The following BMPR2 variants were observed in gnomAD, a reference collection of about 807,000 sequenced individuals.
BMPR2 encodes bone morphogenetic protein receptor type-2.
In BMPR2, 29 loss-of-function variants were observed where a neutral mutation model predicts 100.8. The observed-to-expected ratio is 0.29, with a 90% confidence interval of 0.21 to 0.39. BMPR2 has a LOEUF of 0.39. Ranked by LOEUF, BMPR2 falls within the 10% of genes least tolerant of loss-of-function variation. The probability of loss-of-function intolerance (pLI) is 1.00; values close to 1 mark genes in which losing one functional copy is unlikely to be tolerated. For missense variants in BMPR2, 1,011 were observed against 1,274.5 expected, an observed-to-expected ratio of 0.79 and a Z score of 3.15; for synonymous variants, 382 against 442.3, an observed-to-expected ratio of 0.86 and a Z score of 1.71.
At chr2:202,405,336 T>G (rs1158122864) in intron 1 of BMPR2, among the ~76,000 whole-genome samples, 4 of 151,864 alleles carry the variant, frequency 2.6e-5, no homozygotes, top group Non-Finnish European at 4.4e-5. Flanking sequence ...GTTGGTAGGG[T>G]GACTATATAA....
intron 1 of BMPR2, among the ~76,000 whole-genome samples, chr2:202,438,539 G>T (rs1328454685): frequency 8.1e-6 from 1 of 123,172 alleles, no homozygotes; most frequent in Non-Finnish European, 1.8e-5. Context: ...CCTAATCCAG[G>T]ATCATAAAGG....
intron 3 of BMPR2, among the ~76,000 whole-genome samples, chr2:202,484,988 AGAAAG>A (rs1224111980): frequency 1.4e-5 from 2 of 145,556 alleles, no homozygotes; most frequent in African/African-American, 2.6e-5. Flanking sequence ...AAAAAAAAAA[AGAAAG>A]AAAGAAGAAA....
rs1343136624 is a variant in BMPR2 at position 202,434,933 on chromosome 2, ATATT to A, written c.77-29861_77-29858del. Reference sequence around the variant, plus strand: ...AATATATATATATATATATATATATATATTTATTTATTTATTTACGTCTATAATC... The same window carrying A: ...AATATATATATATATATATATATATATATTTATTTATTTACGTCTATAATC... On this transcript the variant is annotated intron_variant, in intron 1 of 12. Coordinates refer to ENST00000374580, the MANE Select transcript of BMPR2 (RefSeq NM_001204.7). Among the ~76,000 whole-genome samples, 428 of 81,592 alleles carry A rather than the reference ATATT, an allele frequency of 5.2e-3. 1 individual carries two copies. Among genetic ancestry groups the A allele is most frequent in the Non-Finnish European group, 6.8e-3 (298 of 43,778 alleles). 53.5% of individuals were successfully genotyped at this position (81,592 alleles called of 152,430 possible). A position where few individuals can be genotyped will look rare whatever the true frequency, so the allele number is the denominator to read the frequency against.
At chr2:202,435,532 A>C (rs1379435052) in intron 1 of BMPR2, among the ~76,000 whole-genome samples, 1 of 149,538 alleles carries the variant, frequency 6.7e-6, no homozygotes, top group African/African-American at 2.6e-5. Flanking sequence ...GAGTAATCTA[A>C]GGTTAATTTA....
At chr2:202,431,707 T>C (rs1419931794) in intron 1 of BMPR2, among the ~76,000 whole-genome samples, 1 of 150,452 alleles carries the variant, frequency 6.6e-6, no homozygotes, top group East Asian at 1.9e-4. Flanking sequence ...GTTTGTAACC[T>C]AGGAGCAATA....
At chr2:202,435,408 T>TATATATATAC in intron 1 of BMPR2, among the ~76,000 whole-genome samples, 1 of 139,316 alleles carries the variant, frequency 7.2e-6, no homozygotes, top group Non-Finnish European at 1.5e-5. Flanking sequence ...TATATATATA[T>TATATATATAC]GTTTTTGTAC....
intron 3 of BMPR2, among the ~76,000 whole-genome samples, chr2:202,490,177 T>C (rs1055590948): frequency 4.6e-5 from 7 of 152,250 alleles, no homozygotes; most frequent in African/African-American, 9.6e-5. Context: ...GATCAAGTTA[T>C]GTGGCCAGAT....
At chr2:202,515,582 AAAAG>A (rs1181142243) in intron 5 of BMPR2, among the ~76,000 whole-genome samples, 14 of 151,344 alleles carry the variant, frequency 9.3e-5, no homozygotes, top group South Asian at 8.4e-4. Context: ...AAAAAAAAAA[AAAAG>A]AAAGAAAGAA....
chr2:202,382,983 T>G (rs187419609), intron 1 of BMPR2, among the ~76,000 whole-genome samples: 33 of 152,342 alleles, frequency 2.2e-4, no homozygotes, highest in East Asian at 2.1e-3. Context: ...GATCTAAGAT[T>G]CTTTCTAACT....
At position 202,556,118 on chromosome 2, in the gene BMPR2, C is replaced by T. The variant is rs201938348; in HGVS notation, c.2453C>T (p.Ser818Phe). 1.1e-4 allele frequency: 182 copies of T among 1,613,984 alleles called. 1 individual carries two copies. Among genetic ancestry groups the T allele is most frequent in the Non-Finnish European group, 4.2e-6 (5 of 1,179,992 alleles). Residue 818 changes from serine (S) to phenylalanine (F), a missense_variant, in exon 12 of 13, where the codon TCC becomes TTC. Around this residue, in one of 6 missense-constraint regions of BMPR2, gnomAD observed 508 missense variants for 552.0 expected, o/e 0.92. Coordinates refer to ENST00000374580, the MANE Select transcript of BMPR2 (RefSeq NM_001204.7). ...GVAGRNHSVN[S>F]HAATTQYANG... ...GCAGGTAGAAACCACAGTGTTAACTCCCATGCTGCCACAACCCAATATGCC... is the reference window on the plus strand; with the variant it reads ...GCAGGTAGAAACCACAGTGTTAACTTCCATGCTGCCACAACCCAATATGCC...
chr2:202,461,282 G>GT (rs1455619731), intron 1 of BMPR2, among the ~76,000 whole-genome samples: 1 of 152,194 alleles, frequency 6.6e-6, no homozygotes, highest in East Asian at 1.9e-4. Flanking sequence ...GAGGTCAGGA[G>GT]TTTGAGACCA....
chr2:202,509,936 A>C (rs976425892), intron 3 of BMPR2, among the ~76,000 whole-genome samples: 1 of 152,098 alleles, frequency 6.6e-6, no homozygotes, highest in Non-Finnish European at 1.5e-5. Flanking sequence ...TGCCATATTA[A>C]TATTACATTT....
chr2:202,471,019 C>T (rs1181377407), intron 3 of BMPR2, among the ~76,000 whole-genome samples: 1 of 152,084 alleles, frequency 6.6e-6, no homozygotes, highest in East Asian at 1.9e-4. Flanking sequence ...TGATCAGGCC[C>T]CTGTACTCCA....
chr2:202,530,671 CT>C (rs869160917), intron 7 of BMPR2, 122 bp from the exon 8 acceptor site: 4 of 671,204 alleles, frequency 6.0e-6, no homozygotes, highest in South Asian at 2.4e-5. Context: ...TCCGATTTCT[CT>C]TTTTTTGTTA....
At chr2:202,418,693 G>T (rs1489395661) in intron 1 of BMPR2, among the ~76,000 whole-genome samples, 1 of 152,220 alleles carries the variant, frequency 6.6e-6, no homozygotes, top group Non-Finnish European at 1.5e-5. Context: ...GGAATCAATA[G>T]AAGGAAATGT....
chr2:202,481,772 C>G (rs76020651), intron 3 of BMPR2, among the ~76,000 whole-genome samples: 1,723 of 152,212 alleles, frequency 0.011, 12 homozygotes, highest in Middle Eastern at 0.02. Flanking sequence ...TGTTTTCTGT[C>G]TTAGTCAAGA....
intron 1 of BMPR2, among the ~76,000 whole-genome samples, chr2:202,431,062 A>G (rs577550135): frequency 3.3e-5 from 5 of 150,862 alleles, no homozygotes; most frequent in Admixed American, 2.6e-4. Flanking sequence ...GAGGAGACCA[A>G]GATATATTTC....
At chr2:202,491,489 T>C (rs1483970230) in intron 3 of BMPR2, among the ~76,000 whole-genome samples, 1 of 152,002 alleles carries the variant, frequency 6.6e-6, no homozygotes, top group Non-Finnish European at 1.5e-5. Flanking sequence ...AGTGGCACGA[T>C]CTCGGCTCAC....
intron 3 of BMPR2, among the ~76,000 whole-genome samples, chr2:202,488,813 A>G (rs986611678): frequency 2.6e-5 from 4 of 152,118 alleles, no homozygotes; most frequent in African/African-American, 9.7e-5. Flanking sequence ...GCACATTCAC[A>G]TTATTGTGTA....
Sources: gnomAD v4.1 joint callset for allele counts (sites outside exome capture counted in the v4.1 genomes callset) on GRCh38, gnomAD v4.1.1 for gene constraint, gnomAD v4.1.1 regional missense constraint, MANE v1.5 for transcripts, NCBI Gene and HGNC (gene_info 2026-07-23, HGNC 2026-07-21) for gene names.